The following GAS7 variants were observed in gnomAD, a reference collection of about 807,000 sequenced individuals.
The protein encoded by GAS7 is growth arrest-specific protein 7.
In GAS7, 28 loss-of-function variants were observed where a neutral mutation model predicts 71.1. The ratio of observed to expected loss-of-function variants is 0.39; its 90% CI spans 0.29 to 0.54. GAS7 has a LOEUF of 0.54. GAS7 is among the 20% of genes least tolerant of loss of function. The pLI is 0.62. For synonymous variants in GAS7, 258 were observed against 245.8 expected, an observed-to-expected ratio of 1.05 and a Z score of -0.46; for missense variants, 436 against 627.8, an observed-to-expected ratio of 0.69 and a Z score of 3.27.
At chr17:10,102,205 TAAAAAAAAAAAAAA>T (rs34961542) in intron 1 of GAS7, among the ~76,000 whole-genome samples, 2 of 70,274 alleles carry the variant, frequency 2.8e-5, no homozygotes, top group Admixed American at 1.8e-4. Context: ...AGAGTGCCCG[TAAAAAAAAAAAAAA>T]AAAAAAAAAA....
chr17:10,197,677 T>C (rs1042685652), intron 1 of GAS7, among the ~76,000 whole-genome samples: 7 of 151,132 alleles, frequency 4.6e-5, no homozygotes, highest in African/African-American at 1.5e-4. Context: ...GGGCTCGGGC[T>C]GGTGGCCAGC....
chr17:10,164,662 C>T (rs1439473577), intron 1 of GAS7, among the ~76,000 whole-genome samples: 1 of 149,450 alleles, frequency 6.7e-6, no homozygotes, highest in Non-Finnish European at 1.5e-5. Flanking sequence ...GGCAACATAG[C>T]AAAACCTCAT....
intron 1 of GAS7, among the ~76,000 whole-genome samples, chr17:10,141,977 C>T (rs2142097764): frequency 1.9e-5 from 1 of 52,472 alleles, no homozygotes; most frequent in East Asian, 9.0e-4. Flanking sequence ...GCCTGTAATC[C>T]CAGCACTTTG....
At chr17:10,119,566 C>A (rs761322296) in intron 1 of GAS7, among the ~76,000 whole-genome samples, 26 of 152,202 alleles carry the variant, frequency 1.7e-4, no homozygotes, top group Non-Finnish European at 3.4e-4. Flanking sequence ...GTCCAAGGCC[C>A]ACTTCTCTCC....
intron 1 of GAS7, among the ~76,000 whole-genome samples, chr17:10,080,103 T>C (rs1222545626): frequency 2.0e-5 from 3 of 152,136 alleles, no homozygotes; most frequent in Non-Finnish European, 4.4e-5. Flanking sequence ...ATACAGGTCA[T>C]AAAGACCTTG....
In GAS7 at chr17:9,928,392, G is replaced by A. The variant is rs577699237; in HGVS notation, c.886-1623C>T. Among the ~76,000 whole-genome samples, 4 of 152,158 alleles carry A rather than the reference G, an allele frequency of 2.6e-5. No homozygotes were observed. The East Asian group carries it at 7.8e-4, about 30-fold the overall frequency. ...CCGCCTCGGCCTCCCAAAGTGCTGG[G>A]ATTACAGGCGTGAGCCACCGTGCCC... is the stretch of plus-strand genomic sequence containing the variant. On this transcript the variant is annotated intron_variant, in intron 9 of 13. Transcript: ENST00000432992.
intron 1 of GAS7, among the ~76,000 whole-genome samples, chr17:10,188,238 A>G (rs1055044753): frequency 6.6e-6 from 1 of 151,408 alleles, no homozygotes; most frequent in African/African-American, 2.4e-5. Flanking sequence ...GCAAGACTCC[A>G]CCTCAAGAAA....
chr17:10,116,499 G>A (rs900917180), intron 1 of GAS7, among the ~76,000 whole-genome samples: 4 of 151,988 alleles, frequency 2.6e-5, no homozygotes, highest in South Asian at 2.1e-4. Context: ...GCAACTGGCC[G>A]GGCTGCTCAC....
intron 1 of GAS7, among the ~76,000 whole-genome samples, chr17:10,150,762 T>C (rs2074159686): frequency 6.6e-6 from 1 of 151,982 alleles, no homozygotes. Flanking sequence ...GCTAATTTTA[T>C]ATTTTTAATA....
At chr17:10,097,329 GA>G (rs1309477538) in intron 1 of GAS7, among the ~76,000 whole-genome samples, 4 of 152,210 alleles carry the variant, frequency 2.6e-5, no homozygotes, top group African/African-American at 9.6e-5. Flanking sequence ...ATACTTGCTT[GA>G]CTGAATGGGA....
Position 10,173,023 on chromosome 17 carries a change from C to A in GAS7, c.183+25185G>T, listed in dbSNP as rs142699067. Among the ~76,000 whole-genome samples, 31 of 152,326 alleles carry A rather than the reference C, an allele frequency of 2.0e-4. 1 individual carries two copies. In the East Asian group the frequency reaches 4.8e-3, roughly 24 times the overall value. ...TGAAAAGCAATGAAGTACTGATACA[C>A]GTCACTACGCAAATGAACCCTGAAG... On this transcript the variant is annotated intron_variant, in intron 1 of 13. Transcript: ENST00000432992.
chr17:10,069,249 G>C (rs111561754), intron 1 of GAS7, among the ~76,000 whole-genome samples: 2 of 152,154 alleles, frequency 1.3e-5, no homozygotes, highest in African/African-American at 4.8e-5. Context: ...CACCATGTCC[G>C]TGGAATGGTT....
At chr17:10,150,003 G>A (rs1033490848) in intron 1 of GAS7, among the ~76,000 whole-genome samples, 1 of 152,160 alleles carries the variant, frequency 6.6e-6, no homozygotes, top group Non-Finnish European at 1.5e-5. Context: ...TCTTTCTGAG[G>A]TGATGGAAGT....
chr17:10,004,759 C>A (rs888486135), intron 2 of GAS7, among the ~76,000 whole-genome samples: 1 of 152,096 alleles, frequency 6.6e-6, no homozygotes, highest in Non-Finnish European at 1.5e-5. Flanking sequence ...TGCCTCTAAT[C>A]CCAGCATTTT....
intron 1 of GAS7, among the ~76,000 whole-genome samples, chr17:10,089,518 TAA>T (rs55650323): frequency 0.15 from 21,616 of 144,216 alleles, 1,694 homozygotes; most frequent in East Asian, 0.22. Context: ...GAGAACACAG[TAA>T]AAAAAAAAAA....
chr17:10,120,967 C>T (rs1049235644), intron 1 of GAS7, among the ~76,000 whole-genome samples: 3 of 152,224 alleles, frequency 2.0e-5, no homozygotes, highest in Admixed American at 6.5e-5. Context: ...AAGGTGGGCA[C>T]GCAGATGAGT....
intron 7 of GAS7, 64 bp downstream of exon 7, chr17:9,943,057 C>G: frequency 9.4e-7 from 1 of 1,064,902 alleles, no homozygotes; most frequent in Non-Finnish European, 1.5e-6. Context: ...CGCCCCGCCC[C>G]GGCCACGGGG....
chr17:10,005,625 C>T (rs571605595), intron 2 of GAS7, among the ~76,000 whole-genome samples: 33 of 152,132 alleles, frequency 2.2e-4, no homozygotes, highest in South Asian at 1.2e-3. Context: ...CAGATGTTTA[C>T]GAAAAAAACT....
At chr17:10,167,044 CTTTTTTTTTTTTT>C (rs1164151104) in intron 1 of GAS7, among the ~76,000 whole-genome samples, 17 of 58,814 alleles carry the variant, frequency 2.9e-4, no homozygotes, top group East Asian at 5.1e-4. Flanking sequence ...TTCCATTTGT[CTTTTTTTTTTTTT>C]TTTTTTTTTT....
Sources: gnomAD v4.1 joint callset for allele counts (sites outside exome capture counted in the v4.1 genomes callset) on GRCh38, gnomAD v4.1.1 for gene constraint, MANE v1.5 for transcripts, NCBI Gene and HGNC (gene_info 2026-07-23, HGNC 2026-07-21) for gene names.